NLGN1: variants seen among roughly 807,000 people sequenced by gnomAD.
The protein encoded by NLGN1 is neuroligin 1, also known as neuroligin-1.
A neutral mutation model predicts 65.5 loss-of-function variants in NLGN1; 12 were observed. That is an observed-to-expected ratio of 0.18 (90% CI 0.12 to 0.30). The LOEUF is 0.30. Ranked by LOEUF, NLGN1 falls within the 10% of genes least tolerant of loss-of-function variation. The probability of loss-of-function intolerance (pLI) is 1.00; values close to 1 mark genes in which losing one functional copy is unlikely to be tolerated. For missense variants in NLGN1, 750 were observed against 1,007.1 expected (o/e 0.74, Z 3.46); for synonymous variants, 350 against 359.5 (o/e 0.97, Z 0.30).
chr3:174,106,508 C>T lies in NLGN1; in HGVS notation c.647-168807C>T, dbSNP rs545111220. ...TCACATATTCAAAGAAATTAAAAAC[C>T]AAGAATTTATATATACTATATTTTT... is the stretch of plus-strand genomic sequence containing the variant. On this transcript the variant is annotated intron_variant, in intron 4 of 6. Transcript: ENST00000457714. Among the ~76,000 whole-genome samples, 40 of 151,826 alleles carry T rather than the reference C, an allele frequency of 2.6e-4. 1 individual carries two copies. The highest frequency in any genetic ancestry group is 7.0e-4 in the African/African-American group (29 of 41,450).
chr3:174,040,141 C>T (rs1731964991), intron 4 of NLGN1, among the ~76,000 whole-genome samples: 1 of 152,132 alleles, frequency 6.6e-6, no homozygotes, highest in South Asian at 2.1e-4. Flanking sequence ...TGCCCCATTC[C>T]TCTGTTGTCT....
intron 4 of NLGN1, among the ~76,000 whole-genome samples, chr3:173,879,107 T>TC (rs1732736165): frequency 6.6e-6 from 1 of 151,968 alleles, no homozygotes; most frequent in African/African-American, 2.4e-5. Context: ...GTGGCACATG[T>TC]CTGTAGTCCC....
intron 2 of NLGN1, among the ~76,000 whole-genome samples, chr3:173,600,592 C>CTTT (rs150984290): frequency 1.3e-4 from 13 of 103,520 alleles, no homozygotes; most frequent in South Asian, 3.8e-4. Flanking sequence ...AAAAACATAT[C>CTTT]TTTTTTTTTA....
chr3:173,814,432 G>A (rs1370802891), intron 4 of NLGN1, among the ~76,000 whole-genome samples: 2 of 152,112 alleles, frequency 1.3e-5, no homozygotes, highest in Non-Finnish European at 2.9e-5. Context: ...TTGTCCTGTG[G>A]CGACAGGTGC....
At chr3:174,000,267 A>G (rs931260648) in intron 4 of NLGN1, among the ~76,000 whole-genome samples, 1 of 152,126 alleles carries the variant, frequency 6.6e-6, no homozygotes, top group Non-Finnish European at 1.5e-5. Context: ...TAATTTTTGC[A>G]CCTTCACATC....
At chr3:173,837,017 A>G (rs1243487795) in intron 4 of NLGN1, among the ~76,000 whole-genome samples, 6 of 152,200 alleles carry the variant, frequency 3.9e-5, no homozygotes, top group Non-Finnish European at 1.5e-5. Flanking sequence ...TGTTATGAAA[A>G]TCATCTAAGT....
intron 4 of NLGN1, among the ~76,000 whole-genome samples, chr3:174,081,002 T>A (rs956552551): frequency 6.6e-6 from 1 of 151,414 alleles, no homozygotes; most frequent in Non-Finnish European, 1.5e-5. Flanking sequence ...CCTGACTAGC[T>A]ACCTACTGTA....
intron 4 of NLGN1, among the ~76,000 whole-genome samples, chr3:174,271,432 C>T (rs996843279): frequency 6.6e-6 from 1 of 151,868 alleles, no homozygotes; most frequent in Non-Finnish European, 1.5e-5. Context: ...GCTCCTTTCA[C>T]ACTCCTTAGG....
At chr3:174,065,122 A>G (rs569552040) in intron 4 of NLGN1, among the ~76,000 whole-genome samples, 3 of 152,086 alleles carry the variant, frequency 2.0e-5, no homozygotes, top group South Asian at 2.1e-4. Flanking sequence ...AAAGACTACT[A>G]TCTGTTTTAA....
At chr3:173,848,966 G>C (rs1213437687) in intron 4 of NLGN1, among the ~76,000 whole-genome samples, 1 of 152,072 alleles carries the variant, frequency 6.6e-6, no homozygotes, top group Admixed American at 6.6e-5. Context: ...TATGTAGAGG[G>C]TGAAGGGTTG....
chr3:173,694,552 T>A (rs999449460), intron 3 of NLGN1, among the ~76,000 whole-genome samples: 1 of 152,170 alleles, frequency 6.6e-6, no homozygotes, highest in Non-Finnish European at 1.5e-5. Context: ...CTGAATAAGA[T>A]TTTGTTTGTT....
chr3:174,028,821 C>A (rs181335786), intron 4 of NLGN1, among the ~76,000 whole-genome samples: 3 of 152,256 alleles, frequency 2.0e-5, no homozygotes, highest in East Asian at 3.9e-4. Flanking sequence ...GTATTCATGG[C>A]AGCCCCTCTC....
At chr3:173,614,610 GGAGGCA>G (rs1240343616) in intron 3 of NLGN1, among the ~76,000 whole-genome samples, 5 of 152,044 alleles carry the variant, frequency 3.3e-5, no homozygotes, top group African/African-American at 7.2e-5. Context: ...TAATTTACAA[GGAGGCA>G]GATCCTGAGG....
At chr3:173,662,341 G>A (rs992412413) in intron 3 of NLGN1, among the ~76,000 whole-genome samples, 3 of 151,988 alleles carry the variant, frequency 2.0e-5, no homozygotes, top group Non-Finnish European at 2.9e-5. Flanking sequence ...TAAAAAGTAT[G>A]TCAGCCTTGA....
intron 2 of NLGN1, among the ~76,000 whole-genome samples, chr3:173,519,752 T>C (rs551397386): frequency 6.6e-6 from 1 of 152,222 alleles, no homozygotes; most frequent in East Asian, 1.9e-4. Context: ...ACTTTCCTTA[T>C]CTCAGATGAG....
intron 4 of NLGN1, among the ~76,000 whole-genome samples, chr3:174,107,009 C>CAGAG (rs1394529884): frequency 1.3e-4 from 15 of 118,906 alleles, no homozygotes; most frequent in Admixed American, 6.6e-4. Flanking sequence ...CACACACACA[C>CAGAG]ACACACACAG....
At chr3:174,117,457 A>C (rs113274375) in intron 4 of NLGN1, among the ~76,000 whole-genome samples, 140 of 152,118 alleles carry the variant, frequency 9.2e-4, no homozygotes, top group Middle Eastern at 3.4e-3. Context: ...TCTACTAAAA[A>C]ATACAAAAAA....
At position 173,673,062 on chromosome 3, in the gene NLGN1, A is replaced by G. The variant is rs544661015; in HGVS notation, c.493+67971A>G. Among the ~76,000 whole-genome samples, 310 of 152,344 alleles carry G rather than the reference A, an allele frequency of 2.0e-3. 4 individuals are homozygous for G. The highest frequency in any genetic ancestry group is 7.1e-3 in the African/African-American group (294 of 41,578). ...TTGTGATTAAAGGTTGATGCTTTTA[A>G]GTACTAAATGGAGACTTTTTAGGAA... On this transcript the variant is annotated intron_variant, in intron 3 of 6. Coordinates refer to ENST00000457714, the Ensembl canonical transcript of NLGN1.
intron 4 of NLGN1, among the ~76,000 whole-genome samples, chr3:174,075,163 A>G (rs947387548): frequency 1.1e-4 from 16 of 152,180 alleles, no homozygotes; most frequent in Non-Finnish European, 7.3e-5. Context: ...GGCATTTAAA[A>G]TATGTTCTTA....
Sources: allele counts gnomAD v4.1 joint callset (sites outside exome capture counted in the v4.1 genomes callset), GRCh38; gene constraint gnomAD v4.1.1; transcripts MANE v1.5; gene names NCBI Gene and HGNC (gene_info 2026-07-23, HGNC 2026-07-21).